ASIC2: variants seen among roughly 807,000 people sequenced by gnomAD.
ASIC2 encodes acid-sensing ion channel 2.
Under a neutral mutation model 57.3 loss-of-function variants are expected in ASIC2, and 25 were observed. The observed-to-expected ratio is 0.44, with a 90% CI of 0.32 to 0.61. The LOEUF is 0.61. Ranked by LOEUF, ASIC2 falls within the 20% of genes least tolerant of loss-of-function variation. ASIC2 has a pLI of 0.06. For synonymous variants in ASIC2, 319 were observed against 307.5 expected (o/e 1.04, Z -0.39); for missense variants, 641 against 738.1 (o/e 0.87, Z 1.52).
intron 1 of ASIC2, among the ~76,000 whole-genome samples, chr17:33,896,696 C>T (rs974961587): frequency 2.0e-5 from 3 of 152,190 alleles, no homozygotes; most frequent in South Asian, 2.1e-4. Flanking sequence ...AGTCTTGGCC[C>T]TTTGGGCATC....
chr17:33,155,703 G>A (rs905496190), intron 1 of ASIC2, among the ~76,000 whole-genome samples: 2 of 151,716 alleles, frequency 1.3e-5, no homozygotes, highest in African/African-American at 4.8e-5. Context: ...GGGATTACAG[G>A]CGCCTGCTAC....
intron 1 of ASIC2, among the ~76,000 whole-genome samples, chr17:33,438,691 T>C (rs1197418643): frequency 6.6e-6 from 1 of 152,142 alleles, no homozygotes; most frequent in African/African-American, 2.4e-5. Flanking sequence ...AGACTATTCT[T>C]CACTATAAAA....
At chr17:33,507,721 G>A (rs186567391) in intron 1 of ASIC2, among the ~76,000 whole-genome samples, 13 of 152,214 alleles carry the variant, frequency 8.5e-5, no homozygotes, top group Non-Finnish European at 1.8e-4. Context: ...GGCTAACGTG[G>A]TGAAACCCCA....
chr17:33,987,301 C>G (rs1048598836), intron 1 of ASIC2, among the ~76,000 whole-genome samples: 1 of 152,112 alleles, frequency 6.6e-6, no homozygotes, highest in African/African-American at 2.4e-5. Flanking sequence ...CTTAGGTGCA[C>G]CCAGTGCTCC....
intron 1 of ASIC2, among the ~76,000 whole-genome samples, chr17:33,482,885 G>A (rs12453631): frequency 0.2 from 30,998 of 152,204 alleles, 3,859 homozygotes; most frequent in Non-Finnish European, 0.28. Flanking sequence ...GAAACACACC[G>A]CAACAAAATC....
intron 1 of ASIC2, among the ~76,000 whole-genome samples, chr17:33,438,358 G>A (rs1186247221): frequency 1.3e-5 from 2 of 152,180 alleles, no homozygotes; most frequent in South Asian, 2.1e-4. Context: ...ACAAAGCTTC[G>A]TTACATAGAC....
chr17:33,800,699 CTAT>C (rs1912107882), intron 1 of ASIC2, among the ~76,000 whole-genome samples: 1 of 152,046 alleles, frequency 6.6e-6, no homozygotes. Flanking sequence ...CAGGAGATTC[CTAT>C]TATTATAAAA....
intron 1 of ASIC2, among the ~76,000 whole-genome samples, chr17:33,325,915 C>A (rs1279178801): frequency 2.0e-5 from 3 of 152,142 alleles, no homozygotes; most frequent in African/African-American, 7.2e-5. Context: ...AACATCACTA[C>A]TGAGATCATC....
At chr17:34,030,991 C>T (rs964607432) in intron 1 of ASIC2, among the ~76,000 whole-genome samples, 1 of 152,242 alleles carries the variant, frequency 6.6e-6, no homozygotes, top group African/African-American at 2.4e-5. Context: ...AAATGTCCCT[C>T]TCTGACAGCT....
intron 3 of ASIC2, among the ~76,000 whole-genome samples, chr17:33,071,953 C>T (rs188226783): frequency 1.3e-5 from 2 of 152,186 alleles, no homozygotes; most frequent in African/African-American, 4.8e-5. Context: ...TCAAATCATT[C>T]TTTCTCTGGT....
chr17:33,122,437 C>A (rs2092306354), intron 1 of ASIC2, among the ~76,000 whole-genome samples: 2 of 152,140 alleles, frequency 1.3e-5, no homozygotes, highest in African/African-American at 4.8e-5. Flanking sequence ...GGATTCTGCA[C>A]CTGAACTCTG....
intron 1 of ASIC2, among the ~76,000 whole-genome samples, chr17:33,487,652 G>A (rs1913617207): frequency 6.6e-6 from 1 of 152,182 alleles, no homozygotes; most frequent in South Asian, 2.1e-4. Context: ...ATTAACATTT[G>A]AGTCACTCAC....
chr17:34,043,012 C>A (rs1014764008), intron 1 of ASIC2, among the ~76,000 whole-genome samples: 1 of 152,104 alleles, frequency 6.6e-6, no homozygotes, highest in Non-Finnish European at 1.5e-5. Context: ...AAACATAAAG[C>A]TGAGCAAAAT....
intron 1 of ASIC2, among the ~76,000 whole-genome samples, chr17:34,099,804 A>AAAGAG (rs1910792858): frequency 2.0e-5 from 3 of 147,224 alleles, no homozygotes; most frequent in South Asian, 4.4e-4. Flanking sequence ...GAAAGAAAGA[A>AAAGAG]AAGAGAATCT....
intron 3 of ASIC2, among the ~76,000 whole-genome samples, chr17:33,046,347 A>T (rs912591818): frequency 2.6e-5 from 4 of 152,016 alleles, no homozygotes; most frequent in African/African-American, 9.7e-5. Context: ...TCCAGGTTGG[A>T]ATATTTGCTT....
At chr17:33,824,128 G>T (rs1011878307) in intron 1 of ASIC2, among the ~76,000 whole-genome samples, 4 of 152,160 alleles carry the variant, frequency 2.6e-5, no homozygotes, top group African/African-American at 9.7e-5. Context: ...GAGCAATGGG[G>T]ATGGGCTTTT....
At chr17:33,660,878 G>A (rs183712522) in intron 1 of ASIC2, among the ~76,000 whole-genome samples, 54 of 152,288 alleles carry the variant, frequency 3.5e-4, no homozygotes, top group South Asian at 6.2e-4. Context: ...GTTGAGAGCT[G>A]CACGGCACTT....
chr17:34,036,474 T>C (rs1420252268), intron 1 of ASIC2, among the ~76,000 whole-genome samples: 1 of 151,550 alleles, frequency 6.6e-6, no homozygotes, highest in Non-Finnish European at 1.5e-5. Context: ...TATACATATG[T>C]AACAAACCTG....
intron 1 of ASIC2, among the ~76,000 whole-genome samples, chr17:33,685,942 G>A (rs915832586): frequency 6.6e-6 from 1 of 152,140 alleles, no homozygotes; most frequent in African/African-American, 2.4e-5. Flanking sequence ...CTCAGTCACG[G>A]GGGACCGGGA....
Sources: allele counts gnomAD v4.1 joint callset (sites outside exome capture counted in the v4.1 genomes callset), GRCh38; gene constraint gnomAD v4.1.1; transcripts MANE v1.5; gene names NCBI Gene and HGNC (gene_info 2026-07-23, HGNC 2026-07-21).